Variants in EPC2 observed in about 807,000 individuals in gnomAD.
The protein encoded by EPC2 is enhancer of polycomb homolog 2.
Under a neutral mutation model 92.1 loss-of-function variants are expected in EPC2, and 14 were observed. The observed-to-expected ratio is 0.15, with a 90% CI of 0.10 to 0.24. The LOEUF is 0.24. Among genes scored for constraint, EPC2 ranks in the 10% least tolerant of loss-of-function variants. The pLI, the probability that EPC2 is intolerant of heterozygous loss-of-function variation, is 1.00. For missense variants in EPC2, 755 were observed against 971.5 expected (o/e 0.78, Z 2.96); for synonymous variants, 340 against 334.7 (o/e 1.02, Z -0.17).
chr2:148,676,038 C>T (rs1658082060), intron 1 of EPC2, among the ~76,000 whole-genome samples: 1 of 152,038 alleles, frequency 6.6e-6, no homozygotes, highest in African/African-American at 2.4e-5. Context: ...GTTCATTCGT[C>T]CCCAAAAGAA....
chr2:148,772,794 T>C (rs1683551857), intron 10 of EPC2, among the ~76,000 whole-genome samples: 1 of 152,162 alleles, frequency 6.6e-6, no homozygotes, highest in South Asian at 2.1e-4. Context: ...AATCTAAAGA[T>C]AGTAGAAAGT....
intron 1 of EPC2, among the ~76,000 whole-genome samples, chr2:148,686,487 T>A (rs1370225938): frequency 6.6e-6 from 1 of 152,242 alleles, no homozygotes; most frequent in East Asian, 1.9e-4. Context: ...GACCTCTTTC[T>A]ATGAATCATG....
intron 2 of EPC2, among the ~76,000 whole-genome samples, chr2:148,701,641 G>A (rs1372880809): frequency 6.6e-6 from 1 of 152,076 alleles, no homozygotes; most frequent in Non-Finnish European, 1.5e-5. Flanking sequence ...ATAATACTTT[G>A]TTGAGAATTT....
At chr2:148,762,846 A>G in intron 6 of EPC2, 44 bp downstream of exon 6, 1 of 1,540,934 alleles carries the variant, frequency 6.5e-7, no homozygotes, top group South Asian at 1.3e-5. Context: ...GGTAATGTTG[A>G]TCAGAGGAGT....
At chr2:148,783,902 ATAGG>A in intron 12 of EPC2, 146 bp downstream of exon 12, 1 of 796,928 alleles carries the variant, frequency 1.3e-6, no homozygotes, top group Non-Finnish European at 2.0e-6. Context: ...ATAGTGGGAA[ATAGG>A]TAGATGTTTT....
At chr2:148,757,854 T>C (rs1471310087) in intron 4 of EPC2, among the ~76,000 whole-genome samples, 1 of 151,484 alleles carries the variant, frequency 6.6e-6, no homozygotes, top group Non-Finnish European at 1.5e-5. Flanking sequence ...TAAAATAAAA[T>C]ATATAAAATA....
At chr2:148,664,594 C>T (rs1274166925) in intron 1 of EPC2, among the ~76,000 whole-genome samples, 1 of 152,188 alleles carries the variant, frequency 6.6e-6, no homozygotes, top group African/African-American at 2.4e-5. Context: ...TGTGTTACAC[C>T]TGTTTTCATA....
At chr2:148,757,446 A>G (rs958358336) in intron 4 of EPC2, among the ~76,000 whole-genome samples, 2 of 152,236 alleles carry the variant, frequency 1.3e-5, no homozygotes, top group African/African-American at 2.4e-5. Flanking sequence ...ACATACATAT[A>G]TTACATACAT....
At chr2:148,773,682 GAAA>G (rs1244081230) in intron 10 of EPC2, among the ~76,000 whole-genome samples, 1 of 151,872 alleles carries the variant, frequency 6.6e-6, no homozygotes, top group Non-Finnish European at 1.5e-5. Flanking sequence ...AATACATAAT[GAAA>G]AAAGTTTTTT....
At chr2:148,737,875 G>T (rs1036228607) in intron 2 of EPC2, among the ~76,000 whole-genome samples, 2 of 152,078 alleles carry the variant, frequency 1.3e-5, no homozygotes, top group African/African-American at 4.8e-5. Flanking sequence ...TCTGTGTTGA[G>T]CCACATTCAA....
Position 148,710,763 on chromosome 2 carries a change from G to A in EPC2, c.313+20390G>A, listed in dbSNP as rs189061522. ...TTGCAAGGGCAAAAAACCAAACACC[G>A]CATGTTCTCACTCATAGGTGGGAAT... On this transcript the variant is annotated intron_variant, in intron 2 of 13. Transcript: ENST00000258484. 9.2e-5 allele frequency among the ~76,000 whole-genome samples: 14 copies of A among 152,206 alleles called. No individual in the cohort carries two copies. In the East Asian group the frequency reaches 9.7e-4, roughly 10 times the overall value.
intron 1 of EPC2, among the ~76,000 whole-genome samples, chr2:148,646,229 G>A (rs1378807842): frequency 6.6e-6 from 1 of 152,182 alleles, no homozygotes; most frequent in African/African-American, 2.4e-5. Flanking sequence ...AAGGAAGCTC[G>A]AGGTTTCAGT....
At chr2:148,769,688 T>C (rs1683478975) in intron 8 of EPC2, among the ~76,000 whole-genome samples, 1 of 152,208 alleles carries the variant, frequency 6.6e-6, no homozygotes, top group South Asian at 2.1e-4. Context: ...ATAATGGCAA[T>C]GTTTTGTCTA....
chr2:148,644,761 G>C lies in EPC2; in HGVS notation c.-257G>C. On this transcript the variant is annotated 5_prime_UTR_variant, in exon 1 of 14. Coordinates refer to ENST00000258484, the MANE Select transcript of EPC2 (RefSeq NM_015630.4). ...GCTCGCCGCCGCTGTGGTAATGTCCGCCATGTTGGCCATGGCGCAGGGAGC... is the reference window on the plus strand; with the variant it reads ...GCTCGCCGCCGCTGTGGTAATGTCCCCCATGTTGGCCATGGCGCAGGGAGC... 1 of 390,914 alleles carries C rather than the reference G, an allele frequency of 2.6e-6. No homozygotes were observed. Among genetic ancestry groups the C allele is most frequent in the Non-Finnish European group, 4.6e-6 (1 of 215,744 alleles). 24.2% of individuals were successfully genotyped at this position (390,914 alleles called of 1,614,324 possible). A position where few individuals can be genotyped will look rare whatever the true frequency, so the allele number is the denominator to read the frequency against.
chr2:148,675,074 C>G (rs899762226), intron 1 of EPC2, among the ~76,000 whole-genome samples: 4 of 152,192 alleles, frequency 2.6e-5, no homozygotes, highest in Non-Finnish European at 5.9e-5. Flanking sequence ...CTGTCTTACT[C>G]ATTTTATTTC....
chr2:148,744,989 G>GCAC (rs1682953005), intron 3 of EPC2, among the ~76,000 whole-genome samples: 1 of 46,296 alleles, frequency 2.2e-5, no homozygotes, highest in Non-Finnish European at 4.9e-5. Flanking sequence ...CTATCAGTTT[G>GCAC]CCCCCCCCCC....
At chr2:148,703,249 G>A (rs554903022) in intron 2 of EPC2, among the ~76,000 whole-genome samples, 1 of 152,188 alleles carries the variant, frequency 6.6e-6, no homozygotes, top group Non-Finnish European at 1.5e-5. Context: ...TCCTTACTCA[G>A]AGGAAAGCTT....
chr2:148,649,872 G>A (rs1349652587), intron 1 of EPC2, among the ~76,000 whole-genome samples: 4 of 152,096 alleles, frequency 2.6e-5, no homozygotes, highest in Admixed American at 6.6e-5. Flanking sequence ...TGCCAATTTG[G>A]TTAGACTGTT....
At chr2:148,767,540 A>G (rs1181594164) in intron 7 of EPC2, among the ~76,000 whole-genome samples, 1 of 152,208 alleles carries the variant, frequency 6.6e-6, no homozygotes, top group African/African-American at 2.4e-5. Context: ...TCAGTGAGGC[A>G]GCTATTCAGA....
Sources: allele counts gnomAD v4.1 joint callset (sites outside exome capture counted in the v4.1 genomes callset), GRCh38; gene constraint gnomAD v4.1.1; transcripts MANE v1.5; gene names NCBI Gene and HGNC (gene_info 2026-07-23, HGNC 2026-07-21).